The following GLMN variants were observed in gnomAD, a reference collection of about 807,000 sequenced individuals.
The protein encoded by GLMN is glomulin, FKBP associated protein, also known as glomulin.
GLMN carries 75 observed loss-of-function variants against 87.8 expected under a neutral mutation model. The observed-to-expected ratio is 0.85, with a 90% CI of 0.71 to 1.04. GLMN has a LOEUF of 1.04. Ranked by LOEUF, GLMN falls within the 50% of genes least tolerant of loss-of-function variation. The pLI is 0.00. For synonymous variants in GLMN, 206 were observed against 221.6 expected (o/e 0.93, Z 0.63); for missense variants, 588 against 658.8 (o/e 0.89, Z 1.18).
At chr1:92,282,215 T>A (rs1297299480) in intron 7 of GLMN, among the ~76,000 whole-genome samples, 1 of 152,188 alleles carries the variant, frequency 6.6e-6, no homozygotes, top group Non-Finnish European at 1.5e-5. Flanking sequence ...ATTGACCATA[T>A]AATTGGTAGT....
chr1:92,339,355 T>A, the GLMN span, among the ~76,000 whole-genome samples: 6 of 121,022 alleles, frequency 5.0e-5, no homozygotes, highest in Admixed American at 2.1e-4. Flanking sequence ...CCAAGGATTC[T>A]GATTTAATTG....
upstream of GLMN, among the ~76,000 whole-genome samples, chr1:92,301,252 G>T (rs1433239340): frequency 6.6e-6 from 1 of 152,216 alleles, no homozygotes; most frequent in Non-Finnish European, 1.5e-5. Context: ...GGGAGGCTGA[G>T]GTGGGAGTGT....
chr1:92,355,432 A>G, the GLMN span, among the ~76,000 whole-genome samples: 1 of 152,216 alleles, frequency 6.6e-6, no homozygotes, highest in African/African-American at 2.4e-5. Context: ...CATGCGATAT[A>G]TCAAAGGCTT....
At chr1:92,325,363 GC>G in the GLMN span, among the ~76,000 whole-genome samples, 2 of 151,994 alleles carry the variant, frequency 1.3e-5, no homozygotes, top group Non-Finnish European at 2.9e-5. Flanking sequence ...GTGTTGCTTG[GC>G]CCAGCACCCT....
At chr1:92,301,408 G>A (rs1334852526), upstream of GLMN, 1 of 769,164 alleles carries the variant, frequency 1.3e-6, no homozygotes, top group African/African-American at 1.8e-5. Context: ...GGTTAGTATT[G>A]TATTTTAAAA....
chr1:92,330,303 TC>T, the GLMN span, among the ~76,000 whole-genome samples: 31 of 152,306 alleles, frequency 2.0e-4, no homozygotes, highest in African/African-American at 7.2e-4. Flanking sequence ...TTGGTTGTAA[TC>T]ATTTGGTAAA....
intron 7 of GLMN, among the ~76,000 whole-genome samples, chr1:92,272,352 T>C (rs1435145246): frequency 6.6e-6 from 1 of 152,204 alleles, no homozygotes; most frequent in Non-Finnish European, 1.5e-5. Flanking sequence ...TTTGCAGGAA[T>C]TTGTTATACA....
the GLMN span, among the ~76,000 whole-genome samples, chr1:92,361,081 T>C: frequency 7.2e-6 from 1 of 138,322 alleles, no homozygotes; most frequent in African/African-American, 2.7e-5. Flanking sequence ...AAAAAGCATA[T>C]ATATATATAT....
At chr1:92,295,679 G>C (rs753369543) in intron 3 of GLMN, among the ~76,000 whole-genome samples, 1 of 152,146 alleles carries the variant, frequency 6.6e-6, no homozygotes, top group African/African-American at 2.4e-5. Flanking sequence ...AGAGTGGTTA[G>C]GAGCTCCAAA....
At chr1:92,277,588 G>T (rs1468968782) in intron 7 of GLMN, among the ~76,000 whole-genome samples, 1 of 152,164 alleles carries the variant, frequency 6.6e-6, no homozygotes, top group Non-Finnish European at 1.5e-5. Flanking sequence ...GAAAGGGGCT[G>T]AATATTAAGT....
intron 7 of GLMN, among the ~76,000 whole-genome samples, chr1:92,280,177 C>T (rs1160947222): frequency 6.6e-6 from 1 of 152,224 alleles, no homozygotes. Context: ...CCCTGACCCC[C>T]GCGTAGCGTG....
chr1:92,359,845 C>T, the GLMN span, among the ~76,000 whole-genome samples: 2 of 152,112 alleles, frequency 1.3e-5, no homozygotes, highest in Non-Finnish European at 2.9e-5. Context: ...TGGGACAGAA[C>T]TTTGTGGGAC....
chr1:92,253,405 G>T (rs551039983), intron 16 of GLMN, among the ~76,000 whole-genome samples: 2 of 152,206 alleles, frequency 1.3e-5, no homozygotes, highest in African/African-American at 4.8e-5. Flanking sequence ...TCAGCACAGC[G>T]CTTGAGCTCT....
At chr1:92,287,513 T>A (rs1648913600) in intron 6 of GLMN, among the ~76,000 whole-genome samples, 1 of 151,692 alleles carries the variant, frequency 6.6e-6, no homozygotes, top group African/African-American at 2.4e-5. Context: ...GCTAACTTTT[T>A]TATTTTTTGT....
the GLMN span, chr1:92,323,331 T>C: frequency 6.4e-6 from 4 of 622,558 alleles, no homozygotes; most frequent in Non-Finnish European, 1.0e-5. Context: ...AATAAAAATT[T>C]CTACCTTGAA....
intron 16 of GLMN, among the ~76,000 whole-genome samples, chr1:92,253,644 C>G (rs1253779395): frequency 6.6e-6 from 1 of 152,118 alleles, no homozygotes; most frequent in Admixed American, 6.5e-5. Context: ...GGAGTGGACC[C>G]CCAGCAAACT....
chr1:92,286,410 G>T (rs1166293955), intron 7 of GLMN, 80 bp downstream of exon 7: 1 of 688,140 alleles, frequency 1.5e-6, no homozygotes, highest in Non-Finnish European at 2.6e-6. Flanking sequence ...ATTAATGAAT[G>T]TATCAATTTA....
intron 7 of GLMN, among the ~76,000 whole-genome samples, chr1:92,280,541 A>G (rs1647901894): frequency 1.3e-5 from 2 of 152,206 alleles, no homozygotes; most frequent in Admixed American, 6.5e-5. Context: ...AAATTCCAAA[A>G]AACAGAGCGC....
upstream of GLMN, among the ~76,000 whole-genome samples, chr1:92,303,214 C>T (rs1051055214): frequency 2.0e-5 from 3 of 152,044 alleles, no homozygotes; most frequent in African/African-American, 7.2e-5. Flanking sequence ...ATGAACATGA[C>T]AATTCATATT....
Sources: allele counts gnomAD v4.1 joint callset (sites outside exome capture counted in the v4.1 genomes callset), GRCh38; gene constraint gnomAD v4.1.1; transcripts MANE v1.5; gene names NCBI Gene and HGNC (gene_info 2026-07-23, HGNC 2026-07-21).